The following SNTG1 variants were observed in gnomAD, a reference collection of about 807,000 sequenced individuals.
SNTG1 encodes the protein syntrophin gamma 1, also known as gamma-1-syntrophin.
A neutral mutation model predicts 74.7 loss-of-function variants in SNTG1; 39 were observed. The observed-to-expected ratio is 0.52, with a 90% CI of 0.40 to 0.68. The LOEUF (loss-of-function observed/expected upper bound fraction) is 0.68, where lower values mean the gene tolerates loss of function less well. SNTG1 is among the 30% of genes least tolerant of loss of function. The pLI, the probability that SNTG1 is intolerant of heterozygous loss-of-function variation, is 0.00. For synonymous variants in SNTG1, 254 were observed against 217.1 expected (o/e 1.17, Z -1.49); for missense variants, 685 against 609.5 (o/e 1.12, Z -1.30).
intron 1 of SNTG1, among the ~76,000 whole-genome samples, chr8:50,017,894 C>T (rs564958079): frequency 1.4e-4 from 22 of 151,950 alleles, no homozygotes; most frequent in Middle Eastern, 3.4e-3. Flanking sequence ...AAGACTTGAA[C>T]AACACTATGA....
intron 2 of SNTG1, among the ~76,000 whole-genome samples, chr8:50,207,249 T>A (rs1462124672): frequency 6.6e-6 from 1 of 152,170 alleles, no homozygotes; most frequent in African/African-American, 2.4e-5. Flanking sequence ...TCAGAGCCTG[T>A]TATTGGTCTA....
At chr8:50,775,475 C>T (rs1222540230) in intron 18 of SNTG1, among the ~76,000 whole-genome samples, 1 of 151,566 alleles carries the variant, frequency 6.6e-6, no homozygotes, top group Non-Finnish European at 1.5e-5. Flanking sequence ...TCTTTCTTCT[C>T]TGGTCAGAAA....
intron 8 of SNTG1, among the ~76,000 whole-genome samples, chr8:50,454,285 A>C (rs1260928669): frequency 2.7e-5 from 4 of 150,464 alleles, no homozygotes; most frequent in Non-Finnish European, 5.9e-5. Context: ...TCACGAGGTC[A>C]GGAGTTCAAG....
chr8:50,044,049 T>G (rs181418170), intron 1 of SNTG1, among the ~76,000 whole-genome samples: 15 of 152,292 alleles, frequency 9.8e-5, no homozygotes, highest in African/African-American at 2.9e-4. Flanking sequence ...GTCACCTTTA[T>G]GTAATACTAA....
chr8:50,390,793 G>C (rs1003788133), intron 2 of SNTG1, among the ~76,000 whole-genome samples: 1 of 152,140 alleles, frequency 6.6e-6, no homozygotes, highest in South Asian at 2.1e-4. Context: ...CACATCCCTT[G>C]TAAGTTGGAT....
chr8:50,478,853 C>A (rs538885205), intron 8 of SNTG1, among the ~76,000 whole-genome samples: 1 of 152,166 alleles, frequency 6.6e-6, no homozygotes, highest in African/African-American at 2.4e-5. Context: ...TAAAATATTT[C>A]TCTTATAGGA....
At chr8:50,103,456 T>A (rs1024234543) in intron 1 of SNTG1, among the ~76,000 whole-genome samples, 5 of 152,206 alleles carry the variant, frequency 3.3e-5, no homozygotes, top group African/African-American at 1.2e-4. Context: ...TAAGGAGATT[T>A]TGGGCTGAGA....
intron 8 of SNTG1, among the ~76,000 whole-genome samples, chr8:50,487,873 AC>A (rs1357051174): frequency 6.6e-6 from 1 of 152,192 alleles, no homozygotes; most frequent in Non-Finnish European, 1.5e-5. Flanking sequence ...AGTCTCTAGA[AC>A]TAAAGGGCTT....
chr8:50,280,284 G>C (rs191980195), intron 2 of SNTG1, among the ~76,000 whole-genome samples: 4 of 152,310 alleles, frequency 2.6e-5, no homozygotes, highest in Admixed American at 2.0e-4. Context: ...TTAATAGTTA[G>C]AGCAAAGTAA....
chr8:50,523,863 G>A (rs537961814), intron 9 of SNTG1, among the ~76,000 whole-genome samples: 73 of 152,196 alleles, frequency 4.8e-4, no homozygotes, highest in African/African-American at 1.5e-3. Flanking sequence ...AAGCAAAATC[G>A]AGCAAAATGT....
At chr8:50,287,946 A>G (rs2088878060) in intron 2 of SNTG1, among the ~76,000 whole-genome samples, 1 of 152,142 alleles carries the variant, frequency 6.6e-6, no homozygotes, top group African/African-American at 2.4e-5. Context: ...GGCTCATTGC[A>G]AACGTCATCT....
chr8:50,768,331 GA>G (rs966563660), intron 18 of SNTG1, among the ~76,000 whole-genome samples: 8 of 150,674 alleles, frequency 5.3e-5, no homozygotes, highest in Non-Finnish European at 1.0e-4. Context: ...TCGCTCTAGA[GA>G]AAAAAAAATG....
At chr8:50,229,502 GATT>G (rs2085506292) in intron 2 of SNTG1, among the ~76,000 whole-genome samples, 1 of 151,490 alleles carries the variant, frequency 6.6e-6, no homozygotes, top group Non-Finnish European at 1.5e-5. Flanking sequence ...AAACAAGGAA[GATT>G]ATCAGGAATA....
intron 1 of SNTG1, among the ~76,000 whole-genome samples, chr8:50,060,654 C>T (rs1820392349): frequency 6.6e-6 from 1 of 151,942 alleles, no homozygotes; most frequent in East Asian, 1.9e-4. Context: ...CTTAGGGTTT[C>T]TCACTATTAG....
chr8:50,773,432 G>C (rs1216962054), intron 18 of SNTG1, among the ~76,000 whole-genome samples: 1 of 152,102 alleles, frequency 6.6e-6, no homozygotes, highest in Non-Finnish European at 1.5e-5. Flanking sequence ...AGAAAGAGTT[G>C]TAAATTTCCA....
At chr8:50,596,987 T>G (rs910121389) in intron 13 of SNTG1, among the ~76,000 whole-genome samples, 3 of 151,992 alleles carry the variant, frequency 2.0e-5, no homozygotes, top group Non-Finnish European at 4.4e-5. Context: ...GTTACCCTAC[T>G]GTGTAATAGA....
At chr8:50,760,458 A>T (rs918337496) in intron 18 of SNTG1, among the ~76,000 whole-genome samples, 6 of 151,950 alleles carry the variant, frequency 3.9e-5, no homozygotes, top group Non-Finnish European at 2.9e-5. Context: ...CCCATTTAGT[A>T]TGATATTGGT....
Position 50,158,898 on chromosome 8 carries a change from C to A in SNTG1, c.-102-13663C>A, listed in dbSNP as rs1156411887. On this transcript the variant is annotated intron_variant, in intron 1 of 18. Transcript: ENST00000642720. ...ACACCTTTAACTTTAATAAATAATACTAGACTATTTTCCACAATTATTTTA... is the reference window on the plus strand; with the variant it reads ...ACACCTTTAACTTTAATAAATAATAATAGACTATTTTCCACAATTATTTTA... Among the ~76,000 whole-genome samples, 3 of 152,098 alleles carry A rather than the reference C, an allele frequency of 2.0e-5. 1 individual carries two copies. In the East Asian group the frequency reaches 5.8e-4, roughly 29 times the overall value.
At chr8:50,663,636 G>T (rs2095236377) in intron 15 of SNTG1, among the ~76,000 whole-genome samples, 1 of 152,082 alleles carries the variant, frequency 6.6e-6, no homozygotes, top group African/African-American at 2.4e-5. Context: ...CTGGAAAAAA[G>T]ACAACCTGCA....
Sources: gnomAD v4.1 joint callset for allele counts (sites outside exome capture counted in the v4.1 genomes callset) on GRCh38, gnomAD v4.1.1 for gene constraint, MANE v1.5 for transcripts, NCBI Gene and HGNC (gene_info 2026-07-23, HGNC 2026-07-21) for gene names.